The following KMT2E variants were observed in gnomAD, a reference collection of about 807,000 sequenced individuals.
KMT2E encodes lysine methyltransferase 2E (inactive).
Under a neutral mutation model 184.6 loss-of-function variants are expected in KMT2E, and 30 were observed. The ratio of observed to expected loss-of-function variants is 0.16; its 90% CI spans 0.12 to 0.22. The LOEUF is 0.22. KMT2E is among the 10% of genes least tolerant of loss of function. KMT2E has a pLI of 1.00. For synonymous variants in KMT2E, 815 were observed against 776.5 expected, an observed-to-expected ratio of 1.05 and a Z score of -0.82; for missense variants, 2,023 against 2,237.4, an observed-to-expected ratio of 0.90 and a Z score of 1.93.
At chr7:105,108,166 A>G (rs1203492509) in intron 22 of KMT2E, among the ~76,000 whole-genome samples, 1 of 152,132 alleles carries the variant, frequency 6.6e-6, no homozygotes, top group East Asian at 1.9e-4. Flanking sequence ...GAAAAATCTC[A>G]AGATGATTTA....
chr7:105,044,221 G>A lies in KMT2E; in HGVS notation c.71+3198G>A, dbSNP rs950815207. Reference sequence around the variant, plus strand: ...AGGACTACCAGAATTTAGGCTTTGGGTAACTCTAGTCTAAAATAATATCTA... The same window carrying A: ...AGGACTACCAGAATTTAGGCTTTGGATAACTCTAGTCTAAAATAATATCTA... On this transcript the variant is annotated intron_variant, in intron 3 of 26. Coordinates refer to ENST00000311117, the MANE Select transcript of KMT2E (RefSeq NM_182931.3). Among the ~76,000 whole-genome samples the A allele has an allele frequency of 3.3e-5, 5 of 152,150 alleles. No homozygotes were observed. The East Asian group carries it at 5.8e-4, about 18-fold the overall frequency.
At chr7:105,094,339 C>T (rs1010027898) in intron 15 of KMT2E, among the ~76,000 whole-genome samples, 21 of 152,248 alleles carry the variant, frequency 1.4e-4, no homozygotes, top group East Asian at 5.8e-4. Flanking sequence ...GAGAAACTTA[C>T]GTCAAACTGA....
Position 105,014,793 on chromosome 7 carries a change from T to C in KMT2E, c.-189+258T>C, listed in dbSNP as rs59206819. The stretch of plus-strand genomic sequence containing the variant: ...ACTGGCAGTTAAACCCCCTTGAGAG[T>C]GGGGGAGTTAGGGAGGGGGCGCACT... On this transcript the variant is annotated intron_variant, in intron 1 of 26. Coordinates refer to ENST00000311117, the MANE Select transcript of KMT2E (RefSeq NM_182931.3). Among the ~76,000 whole-genome samples the C allele has an allele frequency of 8.5e-3, 1,273 of 150,498 alleles. 16 individuals are homozygous for C. Among genetic ancestry groups the C allele is most frequent in the African/African-American group, 0.03 (1,218 of 40,904 alleles).
chr7:105,038,445 C>T (rs1282102961), intron 2 of KMT2E: 1 of 152,154 alleles, frequency 6.6e-6, no homozygotes, highest in Non-Finnish European at 1.5e-5. Flanking sequence ...TCACTGCAGC[C>T]TCTGACTCCC....
intron 15 of KMT2E, 88 bp downstream of exon 15, chr7:105,091,402 T>C (rs1363237418): frequency 1.3e-6 from 1 of 775,144 alleles, no homozygotes; most frequent in East Asian, 2.5e-5. Flanking sequence ...TTTTACATTA[T>C]TCTTTGAAGT....
intron 3 of KMT2E, among the ~76,000 whole-genome samples, chr7:105,047,795 A>G (rs1226469208): frequency 6.6e-6 from 1 of 152,192 alleles, no homozygotes; most frequent in Non-Finnish European, 1.5e-5. Context: ...GGCTGAATTT[A>G]TGACTACCTG....
chr7:105,072,565 A>G (rs1164437937), intron 6 of KMT2E, among the ~76,000 whole-genome samples: 5 of 152,196 alleles, frequency 3.3e-5, no homozygotes, highest in Admixed American at 3.3e-4. Context: ...TTGGGGGGGA[A>G]TGTAAAAGAA....
chr7:105,106,611 G>A lies in KMT2E; in HGVS notation c.2686G>A (p.Ala896Thr). Residue 896 changes from alanine (A) to threonine (T), a missense_variant, in exon 20 of 27, where the codon GCT becomes ACT. Physicochemically the swap from Ala to Thr is moderately conservative, Grantham distance 58 (BLOSUM62 0). Coordinates refer to ENST00000311117, the MANE Select transcript of KMT2E (RefSeq NM_182931.3). Reference protein sequence around the residue: ...ETSTPTPSPYATPTHTDITPM... With the variant: ...ETSTPTPSPYTTPTHTDITPM... ...CTCCACACCTACTCCTTCCCCGTATGCTACACCAACTCACACCGATATTAC... is the reference window on the plus strand; with the variant it reads ...CTCCACACCTACTCCTTCCCCGTATACTACACCAACTCACACCGATATTAC... 6.2e-7 allele frequency: 1 copy of A among 1,614,026 alleles called. No homozygotes were observed. The highest frequency in any genetic ancestry group is 8.5e-7 in the Non-Finnish European group (1 of 1,179,906).
chr7:105,107,947 A>G (rs1293334432), intron 22 of KMT2E, 22 bp downstream of exon 22: 1 of 1,493,786 alleles, frequency 6.7e-7, no homozygotes, highest in East Asian at 2.3e-5. Context: ...AACAATTTAT[A>G]GTCCTTTTAA....
rs755372674 is a variant in KMT2E at position 105,040,946 on chromosome 7, G to A, written c.-7G>A. The A allele has an allele frequency of 3.2e-5, 52 of 1,605,674 alleles. No individual in the cohort carries two copies. The highest frequency in any genetic ancestry group is 4.1e-5 in the Non-Finnish European group (48 of 1,176,968). On this transcript the variant is annotated 5_prime_UTR_variant, in exon 3 of 27. Coordinates refer to ENST00000311117, the MANE Select transcript of KMT2E (RefSeq NM_182931.3). ...CATAGTAATCGAATTTACCAGAGGCGAACGTCATGAGCATAGTGATCCCAT... is the reference window on the plus strand; with the variant it reads ...CATAGTAATCGAATTTACCAGAGGCAAACGTCATGAGCATAGTGATCCCAT...
At chr7:105,101,707 T>C in intron 16 of KMT2E, 118 bp downstream of exon 16, 1 of 1,001,846 alleles carries the variant, frequency 1.0e-6, no homozygotes, top group Non-Finnish European at 1.4e-6. Flanking sequence ...AATAGCATTT[T>C]TCAGATCCTA....
intron 1 of KMT2E, among the ~76,000 whole-genome samples, chr7:105,034,558 A>G (rs75437663): frequency 0.014 from 2,175 of 151,878 alleles, 27 homozygotes; most frequent in South Asian, 0.061. Flanking sequence ...CATTGATACA[A>G]TCTTCTCCTT....
chr7:105,033,398 G>A (rs758270712), intron 1 of KMT2E, among the ~76,000 whole-genome samples: 2 of 152,316 alleles, frequency 1.3e-5, no homozygotes, highest in Middle Eastern at 6.8e-3. Flanking sequence ...TTTTTACCCA[G>A]TGTCTTAGTC....
rs761668876 is a variant in KMT2E at position 105,036,676 on chromosome 7, CATTATT to C, written c.-188-1444_-188-1439del. ...ATTGTAAGCACTCAGAATTTGCTAT[CATTATT>C]ATTATAACCACTAGTTGGGGAAGTT... On this transcript the variant is annotated intron_variant, in intron 1 of 26. Transcript: ENST00000311117. Among the ~76,000 whole-genome samples the C allele has an allele frequency of 2.0e-5, 3 of 152,296 alleles. No homozygotes were observed. In the East Asian group the frequency reaches 5.8e-4, roughly 29 times the overall value.
rs575324520 is a variant in KMT2E at position 105,112,391 on chromosome 7, C to T, written c.4635C>T (p.Pro1545=). Residue 1545 remains proline, a synonymous_variant, in exon 27 of 27, where the codon CCC becomes CCT. Coordinates refer to ENST00000311117, the MANE Select transcript of KMT2E (RefSeq NM_182931.3). ...AAAGTCTGAACAGCACGGCACCACC[C>T]CCTCCACCTCCTCCACCTCCTTCTT... is the stretch of plus-strand genomic sequence containing the variant. ...NQQSLNSTAP[P]PPPPPPPSSS... is the part of the protein sequence containing the mutation. 1 of 1,613,024 alleles carries T rather than the reference C, an allele frequency of 6.2e-7. No individual in the cohort carries two copies.
intron 20 of KMT2E, 80 bp downstream of exon 20, chr7:105,106,852 A>G (rs576655318): frequency 7.4e-7 from 1 of 1,356,878 alleles, no homozygotes; most frequent in East Asian, 2.3e-5. Flanking sequence ...CCCCTCCTTT[A>G]ACAACTAGTG....
At chr7:105,076,102 G>T (rs1313069696) in intron 9 of KMT2E, 21 bp downstream of exon 9, 1 of 1,545,380 alleles carries the variant, frequency 6.5e-7, no homozygotes, top group South Asian at 1.1e-5. Context: ...TAATTTTAAG[G>T]TGTTGTTATC....
chr7:105,035,191 A>AT lies in KMT2E; in HGVS notation c.-188-2921dup, dbSNP rs762747433. On this transcript the variant is annotated intron_variant, in intron 1 of 26. Coordinates refer to ENST00000311117, the MANE Select transcript of KMT2E (RefSeq NM_182931.3). Reference sequence around the variant, plus strand: ...AGGCGCCCACCACCAAGCCTGGCTAATTTTTTTTTTTTTTGTATTTTTAGT... The same window carrying AT: ...AGGCGCCCACCACCAAGCCTGGCTAATTTTTTTTTTTTTTTGTATTTTTAGT... Among the ~76,000 whole-genome samples, 483 of 141,618 alleles carry AT rather than the reference A, an allele frequency of 3.4e-3. 1 individual carries two copies. Among genetic ancestry groups the AT allele is most frequent in the Non-Finnish European group, 4.0e-3 (256 of 64,320 alleles). 92.9% of individuals were successfully genotyped at this position (141,618 alleles called of 152,430 possible).
At chr7:105,023,954 C>T (rs1334021331) in intron 1 of KMT2E, among the ~76,000 whole-genome samples, 2 of 151,644 alleles carry the variant, frequency 1.3e-5, no homozygotes, top group African/African-American at 4.9e-5. Flanking sequence ...AATATATACT[C>T]AGAAAGGTTA....
Sources: allele counts gnomAD v4.1 joint callset (sites outside exome capture counted in the v4.1 genomes callset), GRCh38; gene constraint gnomAD v4.1.1; transcripts MANE v1.5; gene names NCBI Gene and HGNC (gene_info 2026-07-23, HGNC 2026-07-21).